The following SCD variants were observed in gnomAD, a reference collection of about 807,000 sequenced individuals.
SCD encodes stearoyl-CoA desaturase, also known as acyl-CoA desaturase.
In SCD, 4 loss-of-function variants were observed where a neutral mutation model predicts 35.7. The observed-to-expected ratio is 0.11, with a 90% CI of 0.06 to 0.26. The LOEUF (loss-of-function observed/expected upper bound fraction) is 0.26, where lower values mean the gene tolerates loss of function less well. SCD is among the 10% of genes least tolerant of loss of function. The pLI is 1.00. For synonymous variants in SCD, 150 were observed against 170.2 expected (o/e 0.88, Z 0.92); for missense variants, 282 against 460.7 (o/e 0.61, Z 3.55).
intron 5 of SCD, among the ~76,000 whole-genome samples, chr10:100,358,160 T>A (rs1849948282): frequency 6.6e-6 from 1 of 152,110 alleles, no homozygotes; most frequent in Non-Finnish European, 1.5e-5. Flanking sequence ...CCACCATGCT[T>A]GGCTAATTTT....
At chr10:100,347,650 G>C in intron 1 of SCD, 119 bp downstream of exon 1, 7 of 1,103,840 alleles carry the variant, frequency 6.3e-6, no homozygotes, top group Non-Finnish European at 7.9e-6. Context: ...CATCTTTTTC[G>C]AGTTGTGCTG....
intron 1 of SCD, 72 bp from the exon 2 acceptor site, chr10:100,347,992 T>C: frequency 6.9e-7 from 1 of 1,459,734 alleles, no homozygotes; most frequent in South Asian, 1.2e-5. Flanking sequence ...CCCAGCGTGA[T>C]TAGAGAGCGG....
intron 1 of SCD, among the ~76,000 whole-genome samples, 155 bp from the exon 2 acceptor site, chr10:100,347,909 C>T (rs1194898165): frequency 1.3e-5 from 2 of 152,060 alleles, no homozygotes; most frequent in Non-Finnish European, 2.9e-5. Flanking sequence ...AACTTTTCTC[C>T]GTTGCGTCTC....
intron 2 of SCD, among the ~76,000 whole-genome samples, chr10:100,349,153 G>C (rs1849844730): frequency 6.6e-6 from 1 of 152,206 alleles, no homozygotes; most frequent in Admixed American, 6.5e-5. Context: ...ATCGAGGCCA[G>C]GCCAGAAAAG....
chr10:100,347,875 T>C (rs1849817220), intron 1 of SCD, among the ~76,000 whole-genome samples, 189 bp from the exon 2 acceptor site: 1 of 152,088 alleles, frequency 6.6e-6, no homozygotes, highest in Non-Finnish European at 1.5e-5. Context: ...CCTCCGCCCC[T>C]AATGTATCTG....
chr10:100,351,614 A>C (rs1231663807), intron 2 of SCD, among the ~76,000 whole-genome samples: 1 of 152,110 alleles, frequency 6.6e-6, no homozygotes. Flanking sequence ...AGGGCTTCTC[A>C]AATTGGTCAG....
chr10:100,349,281 C>T (rs537256850), intron 2 of SCD, among the ~76,000 whole-genome samples: 18 of 152,314 alleles, frequency 1.2e-4, no homozygotes, highest in African/African-American at 4.3e-4. Flanking sequence ...TGGCCCTGCC[C>T]CCTGGATACA....
chr10:100,355,207 A>G (rs959093843), intron 4 of SCD, among the ~76,000 whole-genome samples: 3 of 152,258 alleles, frequency 2.0e-5, no homozygotes, highest in African/African-American at 7.2e-5. Context: ...CCAAGTATCC[A>G]GATAACCATG....
Position 100,352,067 on chromosome 10 carries a change from GA to G in SCD, c.311-297del, listed in dbSNP as rs1460889241. Among the ~76,000 whole-genome samples the G allele has an allele frequency of 6.6e-6, 1 of 152,148 alleles. No individual in the cohort carries two copies. The highest frequency in any genetic ancestry group is 2.4e-5 in the African/African-American group (1 of 41,430). ...GAAAGGAGATAGCTAGGCCCTGGGA[GA>G]ATGCCTTTAAGATGAAGAATGAGTG... On this transcript the variant is annotated intron_variant, in intron 2 of 5. Coordinates refer to ENST00000370355, the MANE Select transcript of SCD (RefSeq NM_005063.5). This position sits in a 1 kb window ranked among gnomAD's most constrained non-coding sequence, Gnocchi z 4.2.
At chr10:100,360,276 G>A (rs1849976220) in intron 5 of SCD, among the ~76,000 whole-genome samples, 1 of 152,254 alleles carries the variant, frequency 6.6e-6, no homozygotes, top group African/African-American at 2.4e-5. Flanking sequence ...GAGCCTTGAG[G>A]GCAGGGCCAA....
chr10:100,347,583 CT>C, intron 1 of SCD, 52 bp downstream of exon 1: 2 of 1,608,844 alleles, frequency 1.2e-6, no homozygotes, highest in Non-Finnish European at 1.7e-6. Flanking sequence ...GCGGGCTGGG[CT>C]TCCAGGGGAC....
At chr10:100,354,657 G>C (rs201346742) in intron 4 of SCD, 25 bp downstream of exon 4, 190 of 1,585,264 alleles carry the variant, frequency 1.2e-4, no homozygotes, top group Middle Eastern at 5.0e-4. Context: ...GATGGAGGTG[G>C]GGATATGGCC....
intron 2 of SCD, among the ~76,000 whole-genome samples, chr10:100,351,104 A>G (rs773640772): frequency 6.6e-6 from 1 of 152,184 alleles, no homozygotes; most frequent in Non-Finnish European, 1.5e-5. Flanking sequence ...CTGAGGATCT[A>G]TTGTTTCTAG....
Position 100,360,331 on chromosome 10 carries a change from A to G in SCD, c.881-403A>G, listed in dbSNP as rs76280543. ...CAACCTGATACCCATTCCCAAAAGT[A>G]GGAGCTTCTCTCTAGTCATTTTATC... On this transcript the variant is annotated intron_variant, in intron 5 of 5. Coordinates refer to ENST00000370355, the MANE Select transcript of SCD (RefSeq NM_005063.5). 4.0e-3 allele frequency among the ~76,000 whole-genome samples: 617 copies of G among 152,376 alleles called. 10 individuals carry two copies. The highest frequency in any genetic ancestry group is 0.014 in the African/African-American group (589 of 41,598).
chr10:100,357,409 G>C (rs1274849311), intron 5 of SCD, among the ~76,000 whole-genome samples: 2 of 152,110 alleles, frequency 1.3e-5, no homozygotes, highest in African/African-American at 4.8e-5. Flanking sequence ...GTGCCTTACT[G>C]TTTGGTGATG....
chr10:100,351,120 T>C (rs1849867536), intron 2 of SCD, among the ~76,000 whole-genome samples: 1 of 152,192 alleles, frequency 6.6e-6, no homozygotes, highest in African/African-American at 2.4e-5. Context: ...TCTAGCTGTT[T>C]CCCTAGGAAT....
chr10:100,355,177 T>A (rs1247235073), intron 4 of SCD, among the ~76,000 whole-genome samples: 5 of 152,206 alleles, frequency 3.3e-5, no homozygotes, highest in Non-Finnish European at 7.3e-5. Context: ...GTTTGTAGCC[T>A]ATCGGGGTGG....
chr10:100,356,568 C>G lies in SCD; in HGVS notation c.684C>G (p.Ile228Met). 6.2e-7 allele frequency: 1 copy of G among 1,614,052 alleles called. No homozygotes were observed. Among genetic ancestry groups the G allele is most frequent in the Non-Finnish European group, 8.5e-7 (1 of 1,179,930 alleles). ...CTGGCTTGCTGATGATGTGCTTCAT[C>G]CTGCCCACGCTTGTGCCCTGGTATT... Reference protein sequence around the residue: ...YKPGLLMMCFILPTLVPWYFW... With the variant: ...YKPGLLMMCFMLPTLVPWYFW... The change falls in exon 5 of 6, where the codon ATC (isoleucine) becomes ATG (methionine). Residue 228 changes from isoleucine to methionine, a missense_variant. Physicochemically the swap from Ile to Met is conservative, Grantham distance 10. Around this residue, in one of 2 missense-constraint regions of SCD, gnomAD observed 205 missense variants for 372.3 expected, o/e 0.55. Transcript: ENST00000370355. The surrounding 1 kb of genome is among the most constrained non-coding windows in gnomAD (Gnocchi z 4.1).
intron 4 of SCD, 81 bp downstream of exon 4, chr10:100,354,713 C>T (rs1849910203): frequency 9.1e-7 from 1 of 1,094,072 alleles, no homozygotes; most frequent in Non-Finnish European, 1.4e-6. Flanking sequence ...CTGAGACTTT[C>T]AAAATATAAG....
Sources: allele counts gnomAD v4.1 joint callset (sites outside exome capture counted in the v4.1 genomes callset), GRCh38; gene constraint gnomAD v4.1.1; regional missense constraint gnomAD v4.1.1; non-coding constraint Gnocchi (gnomAD v3.1); transcripts MANE v1.5; gene names NCBI Gene and HGNC (gene_info 2026-07-23, HGNC 2026-07-21).